Variants in KLRG1 observed in about 807,000 individuals in gnomAD.
KLRG1 encodes the protein killer cell lectin like receptor G1.
Under a neutral mutation model 21.8 loss-of-function variants are expected in KLRG1, and 16 were observed. That is an observed-to-expected ratio of 0.73 (90% CI 0.50 to 1.11). KLRG1 has a LOEUF of 1.11. Ranked by LOEUF, KLRG1 falls within the 50% of genes most tolerant of loss-of-function variation. The pLI is 0.00. For synonymous variants in KLRG1, 69 were observed against 75.9 expected, an observed-to-expected ratio of 0.91 and a Z score of 0.47; for missense variants, 173 against 218.3, an observed-to-expected ratio of 0.79 and a Z score of 1.31.
the KLRG1 span, among the ~76,000 whole-genome samples, chr12:9,162,107 G>T: frequency 6.6e-6 from 1 of 152,042 alleles, no homozygotes; most frequent in Non-Finnish European, 1.5e-5. Flanking sequence ...GACTACAGGC[G>T]CCCGCCACCA....
At chr12:9,140,971 A>C in the KLRG1 span, among the ~76,000 whole-genome samples, 57 of 152,354 alleles carry the variant, frequency 3.7e-4, 2 homozygotes, top group African/African-American at 1.3e-3. Context: ...GCACTGATGG[A>C]AATAACTATA....
chr12:9,160,255 G>A, the KLRG1 span: 1 of 1,458,174 alleles, frequency 6.9e-7, no homozygotes, highest in Admixed American at 2.0e-5. Flanking sequence ...TATAACTGAA[G>A]CTTAATTGGG....
the KLRG1 span, among the ~76,000 whole-genome samples, chr12:9,047,857 C>T: frequency 6.6e-6 from 1 of 152,038 alleles, no homozygotes; most frequent in African/African-American, 2.4e-5. Context: ...CAACAGCGGT[C>T]AAAATATGTG....
chr12:9,095,549 C>G, the KLRG1 span: 1 of 1,610,700 alleles, frequency 6.2e-7, no homozygotes, highest in Non-Finnish European at 8.5e-7. Context: ...CTCTAGGAAG[C>G]TGTACATATC....
upstream of KLRG1, chr12:8,988,406 T>C (rs1946881097): frequency 6.6e-6 from 1 of 152,122 alleles, no homozygotes; most frequent in Admixed American, 6.5e-5. Context: ...GATTGGAGAG[T>C]AAGTCTAATG....
At chr12:9,185,843 C>T in the KLRG1 span, among the ~76,000 whole-genome samples, 1 of 46,432 alleles carries the variant, frequency 2.2e-5, no homozygotes, top group African/African-American at 8.4e-5. Context: ...GAGTCTCACT[C>T]TGTCACCAGG....
At chr12:9,015,357 T>C (rs1947685128), downstream of KLRG1, among the ~76,000 whole-genome samples, 1 of 152,102 alleles carries the variant, frequency 6.6e-6, no homozygotes, top group South Asian at 2.1e-4. Context: ...CAGGACTGGC[T>C]CTATTTACAT....
the KLRG1 span, chr12:9,182,253 C>G: frequency 2.8e-6 from 2 of 725,252 alleles, no homozygotes; most frequent in Non-Finnish European, 2.0e-6. Flanking sequence ...CTTAGTCTCT[C>G]TATGTGCCAT....
chr12:9,051,226 C>G, the KLRG1 span, among the ~76,000 whole-genome samples: 1 of 152,204 alleles, frequency 6.6e-6, no homozygotes, highest in Non-Finnish European at 1.5e-5. Flanking sequence ...CAGAAAGGAA[C>G]CACCCTCTCT....
the KLRG1 span, among the ~76,000 whole-genome samples, chr12:9,113,105 C>CT: frequency 0.29 from 41,398 of 143,622 alleles, 7,009 homozygotes; most frequent in South Asian, 0.37. Context: ...GTCACATTTT[C>CT]TTTTTTTTTT....
chr12:9,120,985 A>T, the KLRG1 span, among the ~76,000 whole-genome samples: 8 of 151,044 alleles, frequency 5.3e-5, no homozygotes, highest in Non-Finnish European at 1.2e-4. Flanking sequence ...GGCTCAACTG[A>T]TCCTCCCATC....
the KLRG1 span, chr12:9,068,096 A>G: frequency 1.2e-5 from 18 of 1,451,438 alleles, no homozygotes; most frequent in Non-Finnish European, 1.7e-5. Flanking sequence ...TTTGACAAAT[A>G]TTTACCCAGC....
At chr12:9,055,900 A>C in the KLRG1 span, among the ~76,000 whole-genome samples, 1 of 152,204 alleles carries the variant, frequency 6.6e-6, no homozygotes, top group East Asian at 1.9e-4. Context: ...TCACAGGGTA[A>C]TTTCATTTAC....
At chr12:9,200,776 A>G in the KLRG1 span, 1 of 1,086,976 alleles carries the variant, frequency 9.2e-7, no homozygotes, top group Non-Finnish European at 1.3e-6. Flanking sequence ...TCTTAGAAGC[A>G]GTAAGTCTGA....
chr12:9,058,595 C>A, the KLRG1 span: 47 of 152,260 alleles, frequency 3.1e-4, no homozygotes, highest in African/African-American at 1.1e-3. Context: ...CTACTGGCCT[C>A]CCCCAACCCT....
chr12:9,102,708 T>C, the KLRG1 span, among the ~76,000 whole-genome samples: 1 of 152,190 alleles, frequency 6.6e-6, no homozygotes, highest in South Asian at 2.1e-4. Flanking sequence ...TATCTTAATG[T>C]ATATTTTGGT....
the KLRG1 span, chr12:9,181,162 T>C: frequency 6.2e-7 from 1 of 1,613,754 alleles, no homozygotes; most frequent in South Asian, 1.1e-5. Flanking sequence ...CGTCAACCAG[T>C]GTTTTCCCTA....
At chr12:9,059,878 C>T in the KLRG1 span, among the ~76,000 whole-genome samples, 1 of 151,812 alleles carries the variant, frequency 6.6e-6, no homozygotes, top group African/African-American at 2.4e-5. Flanking sequence ...TGAGGTTTTG[C>T]CATGTTTCCT....
At chr12:8,991,630 A>G (rs1471628928) in intron 1 of KLRG1, among the ~76,000 whole-genome samples, 1 of 151,128 alleles carries the variant, frequency 6.6e-6, no homozygotes, top group Non-Finnish European at 1.5e-5. Context: ...TCTTGACTAT[A>G]TATCTTACAA....
Sources: allele counts gnomAD v4.1 joint callset (sites outside exome capture counted in the v4.1 genomes callset), GRCh38; gene constraint gnomAD v4.1.1; transcripts MANE v1.5; gene names NCBI Gene and HGNC (gene_info 2026-07-23, HGNC 2026-07-21).